The following B9D1 variants were observed in gnomAD, a reference collection of about 807,000 sequenced individuals.
B9D1 encodes B9 domain containing 1.
A neutral mutation model predicts 26.1 loss-of-function variants in B9D1; 20 were observed. The ratio of observed to expected loss-of-function variants is 0.77; its 90% CI spans 0.54 to 1.12. B9D1 has a LOEUF of 1.12. Among genes scored for constraint, B9D1 ranks in the 50% most tolerant of loss-of-function variants. The probability of loss-of-function intolerance (pLI) is 0.00; values close to 1 mark genes in which losing one functional copy is unlikely to be tolerated. For missense variants in B9D1, 260 were observed against 273.7 expected (o/e 0.95, Z 0.35); for synonymous variants, 105 against 103.1 (o/e 1.02, Z -0.11).
chr17:19,360,582 G>A (rs1910922299), intron 1 of B9D1, among the ~76,000 whole-genome samples, 194 bp from the exon 2 acceptor site: 2 of 152,068 alleles, frequency 1.3e-5, no homozygotes, highest in Admixed American at 6.6e-5. Context: ...CAGGTGCCAC[G>A]GCCCCTGGCT....
At chr17:19,358,370 C>A (rs1567901451) in intron 2 of B9D1, among the ~76,000 whole-genome samples, 1 of 152,178 alleles carries the variant, frequency 6.6e-6, no homozygotes, top group African/African-American at 2.4e-5. Flanking sequence ...TTCCACCCAC[C>A]AACCCTTTCT....
downstream of B9D1, among the ~76,000 whole-genome samples, chr17:19,340,320 G>A (rs113653195): frequency 0.052 from 7,911 of 151,748 alleles, 239 homozygotes; most frequent in East Asian, 0.11. Flanking sequence ...ACAGGCGCCC[G>A]CCACCATGCC....
upstream of B9D1, among the ~76,000 whole-genome samples, chr17:19,366,492 T>A (rs1456975962): frequency 6.6e-6 from 1 of 152,096 alleles, no homozygotes; most frequent in African/African-American, 2.4e-5. Context: ...CCTGAGCCCC[T>A]GTGATTCTGG....
intron 5 of B9D1, among the ~76,000 whole-genome samples, chr17:19,344,916 C>T (rs1908552258): frequency 6.6e-6 from 1 of 152,230 alleles, no homozygotes; most frequent in Admixed American, 6.5e-5. Flanking sequence ...GATGGGCAGC[C>T]ACAACCCCTG....
intron 5 of B9D1, chr17:19,344,597 C>G (rs187237426): frequency 5.1e-5 from 11 of 214,036 alleles, no homozygotes; most frequent in Admixed American, 1.3e-4. Context: ...CCCGCCGGGA[C>G]TCGCGGCCGC....
intron 1 of B9D1, among the ~76,000 whole-genome samples, chr17:19,375,245 C>T (rs1217729711): frequency 6.6e-6 from 1 of 151,410 alleles, no homozygotes; most frequent in Non-Finnish European, 1.5e-5. Context: ...AGCTGAGATC[C>T]TACCACCGCA....
At chr17:19,351,297 C>T (rs1238743816) in intron 3 of B9D1, among the ~76,000 whole-genome samples, 1 of 152,116 alleles carries the variant, frequency 6.6e-6, no homozygotes, top group East Asian at 1.9e-4. Flanking sequence ...GTCATAAAAC[C>T]TTTGTATTTT....
chr17:19,372,313 G>T lies in B9D1; in HGVS notation c.-298+5546C>A, dbSNP rs968247514. 6.6e-6 allele frequency: 1 copy of T among 152,258 alleles called. No individual in the cohort carries two copies. Among genetic ancestry groups the T allele is most frequent in the Admixed American group, 6.5e-5 (1 of 15,286 alleles). The allele number at this position is 152,258 out of a possible 1,614,324, so 9.4% of individuals were successfully genotyped here. A position where few individuals can be genotyped will look rare whatever the true frequency, so the allele number is the denominator to read the frequency against. ...TCACAGATGAGGAACTCGAGGTCAG[G>T]GCTGTCAGTCTTGGCTACCTGCATG... On this transcript the variant is annotated intron_variant, in intron 1 of 5. Transcript: ENST00000477478. The surrounding 1 kb of genome is among the most constrained non-coding windows in gnomAD (Gnocchi z 4.4).
chr17:19,343,591 C>G (rs1358837117), intron 6 of B9D1, 130 bp from the exon 7 acceptor site: 2 of 1,575,138 alleles, frequency 1.3e-6, no homozygotes, highest in Non-Finnish European at 8.6e-7. Flanking sequence ...AAGCCCCTCA[C>G]TGGGAGGTAA....
At position 19,347,215 on chromosome 17, in the gene B9D1, C is replaced by T. The variant is rs923244411; in HGVS notation, c.404+54G>A. On this transcript the variant is annotated intron_variant, in intron 5 of 6. Transcript: ENST00000261499. The surrounding 1 kb of genome is among the most constrained non-coding windows in gnomAD (Gnocchi z 4.3). ...GCACAAACTGAGGGGTAGAATGGGA[C>T]ATCCATTCATCCAGTAGATCAGGAG... 3.1e-6 allele frequency: 5 copies of T among 1,614,042 alleles called. No homozygotes were observed. The African/African-American group carries it at 6.7e-5, about 22-fold the overall frequency.
Position 19,346,844 on chromosome 17 carries a change from C to G in B9D1, c.404+425G>C. 2.4e-6 allele frequency: 3 copies of G among 1,257,914 alleles called. No individual in the cohort carries two copies. In the East Asian group the frequency reaches 9.2e-5, roughly 39 times the overall value. The allele number at this position is 1,257,914 out of a possible 1,614,324, so 77.9% of individuals were successfully genotyped here. A position where few individuals can be genotyped will look rare whatever the true frequency, so the allele number is the denominator to read the frequency against. ...CCTGATGTTCTTCCCCGGCTCTTCCCTCCACACTAAGCCTCTGCGCAAATG... is the reference window on the plus strand; with the variant it reads ...CCTGATGTTCTTCCCCGGCTCTTCCGTCCACACTAAGCCTCTGCGCAAATG... On this transcript the variant is annotated intron_variant, in intron 5 of 6. Coordinates refer to ENST00000261499, the MANE Select transcript of B9D1 (RefSeq NM_015681.6).
chr17:19,359,172 C>T lies in B9D1; in HGVS notation c.132+1148G>A, dbSNP rs1271186561. 6.6e-6 allele frequency among the ~76,000 whole-genome samples: 1 copy of T among 152,210 alleles called. No homozygotes were observed. Among genetic ancestry groups the T allele is most frequent in the African/African-American group, 2.4e-5 (1 of 41,450 alleles). On this transcript the variant is annotated intron_variant, in intron 2 of 6. Transcript: ENST00000261499. This position sits in a 1 kb window ranked among gnomAD's most constrained non-coding sequence, Gnocchi z 5.0. ...CCTTTCCCCCCGAGTCTATCCTTGTCGTAGAAGCCAGGGAATCTTCTAAAA... is the reference window on the plus strand; with the variant it reads ...CCTTTCCCCCCGAGTCTATCCTTGTTGTAGAAGCCAGGGAATCTTCTAAAA...
chr17:19,343,853 A>G lies in B9D1; in HGVS notation c.409T>C (p.Phe137Leu), dbSNP rs1297229840. The G allele has an allele frequency of 6.2e-7, 1 of 1,613,860 alleles. No homozygotes were observed. The change falls in exon 6 of 7, where the codon TTC (phenylalanine) becomes CTC (leucine). Residue 137 changes from phenylalanine (F) to leucine (L), a missense_variant. Transcript: ENST00000261499. ...TSKLQKFTSW[F>L]MGRRPEYTDP... ...GTGTACTCGGGCCGCCGCCCCATGA[A>G]CCAGCTGGGAACACAGAAGAACACA...
At chr17:19,369,425 A>C (rs1389237671) in intron 1 of B9D1, among the ~76,000 whole-genome samples, 1 of 152,242 alleles carries the variant, frequency 6.6e-6, no homozygotes, top group Non-Finnish European at 1.5e-5. Context: ...TGGCCAATGC[A>C]ACAATCAGGG....
intron 1 of B9D1, among the ~76,000 whole-genome samples, chr17:19,371,897 G>T (rs1911912555): frequency 1.3e-5 from 2 of 152,166 alleles, no homozygotes; most frequent in African/African-American, 4.8e-5. Context: ...GCTTCCTCCT[G>T]GATGCCCCAG....
In B9D1 at chr17:19,370,356, G is replaced by A. The variant is rs1911833312; in HGVS notation, c.-298+7503C>T. Among the ~76,000 whole-genome samples the A allele has an allele frequency of 6.6e-6, 1 of 152,244 alleles. No homozygotes were observed. Among genetic ancestry groups the A allele is most frequent in the Non-Finnish European group, 1.5e-5 (1 of 68,046 alleles). On this transcript the variant is annotated intron_variant, in intron 1 of 5. Coordinates refer to the B9D1 transcript ENST00000477478. This position sits in a 1 kb window ranked among gnomAD's most constrained non-coding sequence, Gnocchi z 5.1. The stretch of plus-strand genomic sequence containing the variant: ...ACAACCCTCAGAGGAGATGGCCCCT[G>A]GCTGAGCCTGGAGATACCACCATTC...
At chr17:19,352,367 T>C (rs1230373309) in intron 3 of B9D1, among the ~76,000 whole-genome samples, 1 of 151,984 alleles carries the variant, frequency 6.6e-6, no homozygotes, top group Non-Finnish European at 1.5e-5. Context: ...TTTTTTGAGA[T>C]TGAGTTTCAC....
chr17:19,367,784 T>A (rs1911677959), intron 1 of B9D1, among the ~76,000 whole-genome samples: 1 of 152,226 alleles, frequency 6.6e-6, no homozygotes, highest in Non-Finnish European at 1.5e-5. Context: ...TTTTTTCTGA[T>A]CCCCAACTTG....
chr17:19,338,220 G>A (rs1314688276), downstream of B9D1, among the ~76,000 whole-genome samples: 2 of 152,260 alleles, frequency 1.3e-5, no homozygotes, highest in African/African-American at 4.8e-5. Flanking sequence ...CTGCCGCACA[G>A]ACTGAGGTCG....
Sources: gnomAD v4.1 joint callset for allele counts (sites outside exome capture counted in the v4.1 genomes callset) on GRCh38, gnomAD v4.1.1 for gene constraint, Gnocchi (gnomAD v3.1) non-coding constraint, MANE v1.5 for transcripts, NCBI Gene and HGNC (gene_info 2026-07-23, HGNC 2026-07-21) for gene names.